The following EPSTI1 variants were observed in gnomAD, a reference collection of about 807,000 sequenced individuals.
EPSTI1 encodes the protein epithelial stromal interaction 1.
EPSTI1 carries 66 observed loss-of-function variants against 49.9 expected under a neutral mutation model. The observed-to-expected ratio is 1.32, with a 90% CI of 1.08 to 1.62. The LOEUF (loss-of-function observed/expected upper bound fraction) is 1.62, where lower values mean the gene tolerates loss of function less well. Among genes scored for constraint, EPSTI1 ranks in the 40% most tolerant of loss-of-function variants. The pLI is 0.00. For synonymous variants in EPSTI1, 137 were observed against 130.7 expected (o/e 1.05, Z -0.33); for missense variants, 394 against 365.5 (o/e 1.08, Z -0.64).
chr13:42,960,082 A>T (rs754721410), intron 5 of EPSTI1, among the ~76,000 whole-genome samples: 2 of 152,112 alleles, frequency 1.3e-5, no homozygotes, highest in African/African-American at 4.8e-5. Context: ...TTTGGTATCC[A>T]TTGTGTTGTG....
rs531151435 is a variant in EPSTI1, at chr13:42,942,758, G to T, written c.563+11190C>A. Among the ~76,000 whole-genome samples the T allele has an allele frequency of 3.7e-4, 49 of 132,926 alleles. 2 individuals carry two copies. The South Asian group carries it at 0.012, about 33-fold the overall frequency. The allele number at this position is 132,926 out of a possible 152,430, so 87.2% of individuals were successfully genotyped here. On this transcript the variant is annotated intron_variant, in intron 6 of 10. Transcript: ENST00000313624. Reference sequence around the variant, plus strand: ...CTGCAGACTGCAGTGGCGCAATCTCGGCTCACTGCAAGCTCCGCTTCCCGG... The same window carrying T: ...CTGCAGACTGCAGTGGCGCAATCTCTGCTCACTGCAAGCTCCGCTTCCCGG...
intron 6 of EPSTI1, among the ~76,000 whole-genome samples, chr13:42,935,765 G>T (rs2038541530): frequency 6.6e-6 from 1 of 151,818 alleles, no homozygotes; most frequent in Admixed American, 6.6e-5. Context: ...CTAATTTTTT[G>T]TATTTTTAGT....
intron 10 of EPSTI1, among the ~76,000 whole-genome samples, chr13:42,893,905 T>C (rs1441197463): frequency 1.3e-5 from 2 of 152,230 alleles, no homozygotes; most frequent in Non-Finnish European, 2.9e-5. Context: ...AGACACTATG[T>C]GTACTTTGTA....
intron 5 of EPSTI1, among the ~76,000 whole-genome samples, chr13:42,958,708 G>A (rs570006072): frequency 3.0e-4 from 46 of 152,228 alleles, no homozygotes; most frequent in Middle Eastern, 3.4e-3. Flanking sequence ...ACAAGGTCAC[G>A]TGCTGCAAAT....
rs1404701100 is a variant in EPSTI1 at position 42,922,797 on chromosome 13, A to G, written c.657+3539T>C. Among the ~76,000 whole-genome samples, 1 of 152,232 alleles carries G rather than the reference A, an allele frequency of 6.6e-6. No individual in the cohort carries two copies. The highest frequency in any genetic ancestry group is 1.9e-4 in the East Asian group (1 of 5,188). The stretch of plus-strand genomic sequence containing the variant: ...TCAACCTGCACTGAGTGCTCACAGT[A>G]GTGTGAGAGAGGAGAGCTGGAGAGG... On this transcript the variant is annotated intron_variant, in intron 7 of 10. Coordinates refer to ENST00000313624, the MANE Select transcript of EPSTI1 (RefSeq NM_033255.5). The surrounding 1 kb of genome is among the most constrained non-coding windows in gnomAD (Gnocchi z 4.8).
In EPSTI1 at chr13:42,963,313, A is replaced by G; in HGVS notation, c.431T>C (p.Ile144Thr). The change falls in exon 5 of 11, where the codon ATC (isoleucine) becomes ACC (threonine). Residue 144 changes from isoleucine (I) to threonine (T), a missense_variant. By Grantham distance (89) the Ile-to-Thr change is moderately conservative (BLOSUM62 -1). Coordinates refer to ENST00000313624, the MANE Select transcript of EPSTI1 (RefSeq NM_033255.5). ...QKLKREESVR[I>T]KKEAEEAELQ... ...TTCAGCTTCTTCAGCTTCCTTCTTG[A>G]TTCTTACAGATTCTTCTCTTTTTAG... 6.2e-7 allele frequency: 1 copy of G among 1,612,430 alleles called. No individual in the cohort carries two copies. The highest frequency in any genetic ancestry group is 1.1e-5 in the South Asian group (1 of 90,704).
chr13:42,969,034 T>C, intron 3 of EPSTI1, 60 bp downstream of exon 3: 1 of 1,538,878 alleles, frequency 6.5e-7, no homozygotes, highest in Admixed American at 1.7e-5. Context: ...TGCAAGCTGC[T>C]TACAGGATCC....
At chr13:42,892,525 A>G (rs9670272) in intron 10 of EPSTI1, among the ~76,000 whole-genome samples, 24,683 of 152,066 alleles carry the variant, frequency 0.16, 2,095 homozygotes, top group African/African-American at 0.19. Context: ...TGGAAACAGG[A>G]AAATGTGCAG....
At chr13:42,934,096 T>C (rs1210498933) in intron 6 of EPSTI1, 1 of 202,270 alleles carries the variant, frequency 4.9e-6, no homozygotes, top group East Asian at 1.1e-4. Flanking sequence ...GAATGGTAAA[T>C]ACTGAATATA....
At chr13:42,918,834 T>G (rs1213471815) in intron 7 of EPSTI1, among the ~76,000 whole-genome samples, 2 of 152,124 alleles carry the variant, frequency 1.3e-5, no homozygotes, top group Non-Finnish European at 2.9e-5. Context: ...AAAGTGATTC[T>G]CTGACAAGCC....
At position 42,954,020 on chromosome 13, in the gene EPSTI1, C is replaced by G. The variant is rs1252595998; in HGVS notation, c.491G>C (p.Ser164Thr). The G allele has an allele frequency of 6.2e-7, 1 of 1,610,204 alleles. No homozygotes were observed. The highest frequency in any genetic ancestry group is 8.5e-7 in the Non-Finnish European group (1 of 1,178,826). Reference sequence around the variant, plus strand: ...TCTTTTTTTCTCCTCCAGTTTATTGCTCTGAAATTGCAAATATCAAAACAT... The same window carrying G: ...TCTTTTTTTCTCCTCCAGTTTATTGGTCTGAAATTGCAAATATCAAAACAT... ...QKMKAIQREK[S>T]NKLEEKKRLQ... The change falls in exon 6 of 11, where the codon AGC becomes ACC. Residue 164 changes from serine (S) to threonine (T), a missense_variant and splice_region_variant. By Grantham distance (58) the Ser-to-Thr change is moderately conservative. Transcript: ENST00000313624.
intron 2 of EPSTI1, chr13:42,970,404 G>T (rs1299951631): frequency 2.2e-5 from 10 of 444,892 alleles, no homozygotes; most frequent in African/African-American, 6.1e-5. Context: ...ATCATGTCAT[G>T]AGTTCTGTTA....
rs1331393356 is a variant in EPSTI1, at chr13:42,969,083, T to C, written c.331+11A>G. 6.2e-7 allele frequency: 1 copy of C among 1,613,884 alleles called. No individual in the cohort carries two copies. Reference sequence around the variant, plus strand: ...CCCTCCCTCATTCCGGCAGCGGCTGTGCTTGCTTACCTAGCCGTCTGGGCA... The same window carrying C: ...CCCTCCCTCATTCCGGCAGCGGCTGCGCTTGCTTACCTAGCCGTCTGGGCA... On this transcript the variant is annotated intron_variant, in intron 3 of 10. Transcript: ENST00000313624.
intron 1 of EPSTI1, among the ~76,000 whole-genome samples, chr13:42,984,160 C>T (rs1178376065): frequency 6.6e-6 from 1 of 152,160 alleles, no homozygotes; most frequent in Non-Finnish European, 1.5e-5. Flanking sequence ...CTATATTGAG[C>T]CATCAAGATT....
chr13:42,961,964 C>T lies in EPSTI1; in HGVS notation c.489+1291G>A, dbSNP rs149137541. ...TCCATAAGCACAGCCATTATCACTT[C>T]CCTCGGCCATTTCCACACTGGCAAT... is the stretch of plus-strand genomic sequence containing the variant. On this transcript the variant is annotated intron_variant, in intron 5 of 10. Transcript: ENST00000313624. Among the ~76,000 whole-genome samples, 413 of 152,306 alleles carry T rather than the reference C, an allele frequency of 2.7e-3. 2 individuals are homozygous for T. The highest frequency in any genetic ancestry group is 9.5e-3 in the African/African-American group (393 of 41,562).
At chr13:42,961,495 C>T (rs1341699768) in intron 5 of EPSTI1, among the ~76,000 whole-genome samples, 3 of 152,142 alleles carry the variant, frequency 2.0e-5, no homozygotes, top group Non-Finnish European at 4.4e-5. Context: ...CTCAAGTATA[C>T]CAGTGCTGTC....
At position 42,969,141 on chromosome 13, in the gene EPSTI1, T is replaced by C. The variant is rs747756495; in HGVS notation, c.284A>G (p.Lys95Arg). Residue 95 changes from lysine (K) to arginine (R), a missense_variant, in exon 3 of 11, where the codon AAG becomes AGG. Coordinates refer to ENST00000313624, the MANE Select transcript of EPSTI1 (RefSeq NM_033255.5). ...AACCGGTTTAGCTCTGTTCTGCTCCTTCCACTTCTCCAGGTTGGCCAGCTC... is the reference window on the plus strand; with the variant it reads ...AACCGGTTTAGCTCTGTTCTGCTCCCTCCACTTCTCCAGGTTGGCCAGCTC... ...EQELANLEKW[K>R]EQNRAKPVHL... 1.2e-6 allele frequency: 2 copies of C among 1,614,122 alleles called. No homozygotes were observed. Among genetic ancestry groups the C allele is most frequent in the East Asian group, 2.2e-5 (1 of 44,878 alleles).
intron 8 of EPSTI1, among the ~76,000 whole-genome samples, chr13:42,912,524 T>C (rs2037717271): frequency 6.6e-6 from 1 of 151,748 alleles, no homozygotes; most frequent in South Asian, 2.1e-4. Context: ...CAAATACATA[T>C]AAGAATAATC....
intron 5 of EPSTI1, among the ~76,000 whole-genome samples, chr13:42,957,300 CA>C (rs1320414359): frequency 6.6e-6 from 1 of 152,160 alleles, no homozygotes; most frequent in Admixed American, 6.5e-5. Flanking sequence ...ATCAAGCATG[CA>C]GCAAAATATA....
Sources: allele counts gnomAD v4.1 joint callset (sites outside exome capture counted in the v4.1 genomes callset), GRCh38; gene constraint gnomAD v4.1.1; non-coding constraint Gnocchi (gnomAD v3.1); transcripts MANE v1.5; gene names NCBI Gene and HGNC (gene_info 2026-07-23, HGNC 2026-07-21).